The following ZNF814 variants were observed in gnomAD, a reference collection of about 807,000 sequenced individuals.
ZNF814 encodes the protein zinc finger protein 814.
A neutral mutation model predicts 7.5 loss-of-function variants in ZNF814; 5 were observed. The observed-to-expected ratio is 0.67, with a 90% CI of 0.35 to 1.40. The LOEUF (loss-of-function observed/expected upper bound fraction) is 1.40, where lower values mean the gene tolerates loss of function less well. Ranked by LOEUF, ZNF814 falls within the 40% of genes most tolerant of loss-of-function variation. ZNF814 has a pLI of 0.04. For synonymous variants in ZNF814, 315 were observed against 340.7 expected (o/e 0.92, Z 0.83); for missense variants, 962 against 1,018.0 (o/e 0.94, Z 0.75).
At chr19:57,883,039 T>C (rs2071660592) in intron 1 of ZNF814, among the ~76,000 whole-genome samples, 2 of 152,232 alleles carry the variant, frequency 1.3e-5, no homozygotes, top group Non-Finnish European at 2.9e-5. Context: ...TTCTATCAGA[T>C]AAATTTGGCA....
chr19:57,890,111 AGCAAAGATTAAT>A (rs1376915117), upstream of ZNF814, among the ~76,000 whole-genome samples: 1 of 152,212 alleles, frequency 6.6e-6, no homozygotes, highest in African/African-American at 2.4e-5. Context: ...TTCCACTGGA[AGCAAAGATTAAT>A]GCAAAGATTA....
rs760119481 is a variant in ZNF814 at position 57,871,519 on chromosome 19, T to A, written c.*1303A>T. ...CATACAGTGACAACAACCCTCAAGATTGAAGAAGGCTGAAACAATAAGGCC... is the reference window on the plus strand; with the variant it reads ...CATACAGTGACAACAACCCTCAAGAATGAAGAAGGCTGAAACAATAAGGCC... On this transcript the variant is annotated 3_prime_UTR_variant, in exon 3 of 3. Coordinates refer to ENST00000435989, the MANE Select transcript of ZNF814 (RefSeq NM_001144989.2). 6.6e-6 allele frequency: 1 copy of A among 152,012 alleles called. No homozygotes were observed. Among genetic ancestry groups the A allele is most frequent in the African/African-American group, 2.4e-5 (1 of 41,358 alleles). The allele number at this position is 152,012 out of a possible 1,614,324, so 9.4% of individuals were successfully genotyped here. A position where few individuals can be genotyped will look rare whatever the true frequency, so the allele number is the denominator to read the frequency against.
Position 57,872,858 on chromosome 19 carries a change from AAGG to A in ZNF814, c.2529_2531del (p.Leu844del), listed in dbSNP as rs1568516398. ...TTCTCCAGTGTGAACTCTGGTGTAC[AAGG>A]AGGTGAGACTTCTTGTTAAATAATT... On this transcript the variant is annotated inframe_deletion, in exon 3 of 3. Transcript: ENST00000435989. 5.6e-6 allele frequency: 9 copies of A among 1,612,790 alleles called. No individual in the cohort carries two copies. Among genetic ancestry groups the A allele is most frequent in the Non-Finnish European group, 7.6e-6 (9 of 1,179,528 alleles).
chr19:57,870,811 C>G lies in ZNF814; in HGVS notation c.*2011G>C, dbSNP rs766580940. 6.6e-6 allele frequency: 1 copy of G among 152,092 alleles called. No individual in the cohort carries two copies. The highest frequency in any genetic ancestry group is 1.5e-5 in the Non-Finnish European group (1 of 68,036). The allele number at this position is 152,092 out of a possible 1,614,324, so 9.4% of individuals were successfully genotyped here. On this transcript the variant is annotated 3_prime_UTR_variant, in exon 3 of 3. Transcript: ENST00000435989. ...CCTGGCCAACATGGTGAAACCCCAT[C>G]TCTACTAAAAATACAAAAATTAGCT...
At chr19:57,897,358 C>T in the ZNF814 span, among the ~76,000 whole-genome samples, 4 of 152,048 alleles carry the variant, frequency 2.6e-5, no homozygotes, top group Admixed American at 6.6e-5. Context: ...TTTTCAGGCT[C>T]TTGCTTTAAT....
chr19:57,900,159 A>C, the ZNF814 span: 1 of 152,126 alleles, frequency 6.6e-6, no homozygotes, highest in Non-Finnish European at 1.5e-5. Context: ...CTCAACAACA[A>C]GTTTTTCAAA....
In ZNF814 at chr19:57,870,570, A is replaced by G. The variant is rs2071549188; in HGVS notation, c.*2252T>C. The G allele has an allele frequency of 1.3e-5, 2 of 152,210 alleles. No individual in the cohort carries two copies. The highest frequency in any genetic ancestry group is 1.5e-5 in the Non-Finnish European group (1 of 68,052). The allele number at this position is 152,210 out of a possible 1,614,324, so 9.4% of individuals were successfully genotyped here. ...CAGGAATTCACAAAACCTTTAGATT[A>G]TTTCCTCTGACAATGGCCTCAACAA... On this transcript the variant is annotated 3_prime_UTR_variant, in exon 3 of 3. Transcript: ENST00000435989.
intron 1 of ZNF814, among the ~76,000 whole-genome samples, chr19:57,885,236 C>T (rs1260281894): frequency 2.6e-5 from 4 of 151,608 alleles, no homozygotes; most frequent in South Asian, 2.1e-4. Flanking sequence ...ACATGAGAAT[C>T]GCTTGAACCC....
chr19:57,884,096 AC>A (rs749818532), intron 1 of ZNF814, among the ~76,000 whole-genome samples: 5 of 152,188 alleles, frequency 3.3e-5, no homozygotes, highest in Non-Finnish European at 5.9e-5. Flanking sequence ...AGCACAGGCA[AC>A]CAAAGCAAAA....
At chr19:57,887,901 C>T (rs889845570) in intron 1 of ZNF814, among the ~76,000 whole-genome samples, 2 of 152,162 alleles carry the variant, frequency 1.3e-5, no homozygotes, top group African/African-American at 4.8e-5. Context: ...TTTTTGTAAC[C>T]ATTTGTCTTT....
At position 57,873,891 on chromosome 19, in the gene ZNF814, G is replaced by C. The variant is rs189068451; in HGVS notation, c.1499C>G (p.Ser500Cys). 26 of 1,599,716 alleles carry C rather than the reference G, an allele frequency of 1.6e-5. No homozygotes were observed. The highest frequency in any genetic ancestry group is 2.1e-5 in the Non-Finnish European group (25 of 1,173,602). Residue 500 changes from serine to cysteine, a missense_variant, in exon 3 of 3, where the codon TCT (serine) becomes TGT (cysteine). Transcript: ENST00000435989. The stretch of plus-strand genomic sequence containing the variant: ...AACGAGGTTGCCCTTTTGACTGAAA[G>C]ATTTCCCACATTCTCCACACTGATA... ...RPYQCGECGK[S>C]FSQKGNLVLH...
chr19:57,902,707 C>G, the ZNF814 span, among the ~76,000 whole-genome samples: 5 of 151,712 alleles, frequency 3.3e-5, no homozygotes, highest in African/African-American at 1.2e-4. Context: ...GTCCCCCAGG[C>G]TGGAGTGCAG....
chr19:57,903,892 G>C, the ZNF814 span, among the ~76,000 whole-genome samples: 1 of 152,212 alleles, frequency 6.6e-6, no homozygotes, highest in African/African-American at 2.4e-5. Flanking sequence ...TCGTTTTTCT[G>C]ACATAATGTA....
At position 57,871,680 on chromosome 19, in the gene ZNF814, G is replaced by GT. The variant is rs909364801; in HGVS notation, c.*1141dup. On this transcript the variant is annotated 3_prime_UTR_variant, in exon 3 of 3. Transcript: ENST00000435989. Reference sequence around the variant, plus strand: ...ACATAGTCCGTCTTTTCAAGTCAACGTAAGAGGCCTCTGGGATAAAAATGG... The same window carrying GT: ...ACATAGTCCGTCTTTTCAAGTCAACGTTAAGAGGCCTCTGGGATAAAAATGG... 120 of 151,966 alleles carry GT rather than the reference G, an allele frequency of 7.9e-4. No individual in the cohort carries two copies. Among genetic ancestry groups the GT allele is most frequent in the African/African-American group, 2.2e-3 (90 of 41,424 alleles). The allele number at this position is 151,966 out of a possible 1,614,324, so 9.4% of individuals were successfully genotyped here. A position where few individuals can be genotyped will look rare whatever the true frequency, so the allele number is the denominator to read the frequency against.
At chr19:57,904,754 T>C in the ZNF814 span, among the ~76,000 whole-genome samples, 2 of 151,922 alleles carry the variant, frequency 1.3e-5, no homozygotes, top group African/African-American at 2.4e-5. Context: ...TAATACCCAA[T>C]GAAAGCCCAG....
At chr19:57,890,127 A>C (rs1843482105), upstream of ZNF814, among the ~76,000 whole-genome samples, 1 of 152,232 alleles carries the variant, frequency 6.6e-6, no homozygotes, top group African/African-American at 2.4e-5. Flanking sequence ...GATTAATGCA[A>C]AGATTAATAA....
intron 1 of ZNF814, among the ~76,000 whole-genome samples, chr19:57,877,781 T>C (rs1362024368): frequency 6.6e-6 from 1 of 152,082 alleles, no homozygotes; most frequent in Non-Finnish European, 1.5e-5. Context: ...CTTCAACTAG[T>C]GTGGGTTGAT....
intron 1 of ZNF814, among the ~76,000 whole-genome samples, chr19:57,878,670 G>A (rs1194060723): frequency 1.3e-5 from 2 of 151,948 alleles, no homozygotes; most frequent in African/African-American, 2.4e-5. Context: ...TATTGGGCAG[G>A]CTGCTTTCAA....
At chr19:57,882,738 C>G (rs1395584762) in intron 1 of ZNF814, among the ~76,000 whole-genome samples, 1 of 148,258 alleles carries the variant, frequency 6.7e-6, no homozygotes, top group South Asian at 2.1e-4. Context: ...CAGCTTAGAT[C>G]ACAACACCCG....
Sources: gnomAD v4.1 joint callset for allele counts (sites outside exome capture counted in the v4.1 genomes callset) on GRCh38, gnomAD v4.1.1 for gene constraint, MANE v1.5 for transcripts, NCBI Gene and HGNC (gene_info 2026-07-23, HGNC 2026-07-21) for gene names.